C12orf42: variants seen among roughly 807,000 people sequenced by gnomAD.
C12orf42 encodes the protein uncharacterized protein C12orf42.
A neutral mutation model predicts 21.6 loss-of-function variants in C12orf42; 25 were observed. The ratio of observed to expected loss-of-function variants is 1.16; its 90% CI spans 0.84 to 1.62. The LOEUF (loss-of-function observed/expected upper bound fraction) is 1.62. C12orf42 is among the 40% of genes most tolerant of loss of function. The pLI, the probability that C12orf42 is intolerant of heterozygous loss-of-function variation, is 0.00. For synonymous variants in C12orf42, 174 were observed against 175.0 expected (o/e 0.99, Z 0.05); for missense variants, 483 against 459.3 (o/e 1.05, Z -0.47).
At chr12:103,120,712 A>G in the C12orf42 span, among the ~76,000 whole-genome samples, 17 of 149,664 alleles carry the variant, frequency 1.1e-4, no homozygotes, top group African/African-American at 3.9e-4. Context: ...TATTACTATA[A>G]TATCTGTTAT....
At chr12:103,355,564 T>C (rs914751686) in intron 4 of C12orf42, among the ~76,000 whole-genome samples, 12 of 152,060 alleles carry the variant, frequency 7.9e-5, no homozygotes, top group Non-Finnish European at 1.6e-4. Flanking sequence ...ATCCAGTCTC[T>C]TCCTCTACCT....
chr12:103,360,631 T>C (rs2044010899), intron 4 of C12orf42, among the ~76,000 whole-genome samples: 1 of 148,304 alleles, frequency 6.7e-6, no homozygotes. Flanking sequence ...GCAATTATTT[T>C]CTCTGTTCCT....
At chr12:103,135,574 AT>A in the C12orf42 span, among the ~76,000 whole-genome samples, 3 of 152,244 alleles carry the variant, frequency 2.0e-5, no homozygotes, top group African/African-American at 7.2e-5. Context: ...CAAAACAACC[AT>A]GAATCAACTG....
intron 10 of C12orf42, among the ~76,000 whole-genome samples, chr12:103,247,892 C>T (rs879680704): frequency 5.9e-5 from 9 of 152,068 alleles, no homozygotes; most frequent in Non-Finnish European, 1.0e-4. Flanking sequence ...AGGCACTATG[C>T]TCAACCCTTT....
chr12:103,189,404 A>G, the C12orf42 span, among the ~76,000 whole-genome samples: 1 of 152,334 alleles, frequency 6.6e-6, no homozygotes, highest in South Asian at 2.1e-4. Flanking sequence ...AGCTCTCCTC[A>G]AGGAAATGTG....
At chr12:103,342,072 A>G (rs545348667) in intron 4 of C12orf42, among the ~76,000 whole-genome samples, 1 of 152,294 alleles carries the variant, frequency 6.6e-6, no homozygotes, top group East Asian at 1.9e-4. Flanking sequence ...ATAGATAGAT[A>G]GACAGATAAA....
chr12:103,423,767 T>C (rs185053456), intron 2 of C12orf42, among the ~76,000 whole-genome samples: 1 of 152,328 alleles, frequency 6.6e-6, no homozygotes, highest in Non-Finnish European at 1.5e-5. Flanking sequence ...TGCATGCCTC[T>C]AGTTAAAATT....
chr12:103,297,569 A>G (rs1317026332), downstream of C12orf42, among the ~76,000 whole-genome samples: 1 of 152,196 alleles, frequency 6.6e-6, no homozygotes, highest in Admixed American at 6.5e-5. Flanking sequence ...ATTCCAATCA[A>G]TAGAAAAAGA....
At chr12:103,135,452 A>G in the C12orf42 span, among the ~76,000 whole-genome samples, 1 of 134,676 alleles carries the variant, frequency 7.4e-6, no homozygotes, top group Non-Finnish European at 1.6e-5. Flanking sequence ...GTGAGACACT[A>G]TCTCAAAAAG....
chr12:103,505,587 C>T, the C12orf42 span: 1 of 331,154 alleles, frequency 3.0e-6, no homozygotes, highest in Non-Finnish European at 5.6e-6. Context: ...ACATGGTGGT[C>T]TAGCCCATGT....
chr12:103,143,056 A>G, the C12orf42 span, among the ~76,000 whole-genome samples: 1 of 152,186 alleles, frequency 6.6e-6, no homozygotes, highest in Non-Finnish European at 1.5e-5. Flanking sequence ...AGCACGTTTT[A>G]CACTGGAACG....
chr12:103,365,084 T>C lies in C12orf42; in HGVS notation c.259+3803A>G, dbSNP rs139175878. On this transcript the variant is annotated intron_variant, in intron 4 of 5. Transcript: ENST00000548883. Reference sequence around the variant, plus strand: ...GATGCAAAAATCCTTAACAAAATACTAGCTAACCAGATCCAACAGCATATC... The same window carrying C: ...GATGCAAAAATCCTTAACAAAATACCAGCTAACCAGATCCAACAGCATATC... 5.8e-3 allele frequency among the ~76,000 whole-genome samples: 877 copies of C among 152,076 alleles called. 5 individuals carry two copies. Among genetic ancestry groups the C allele is most frequent in the African/African-American group, 0.018 (756 of 41,518 alleles).
At chr12:103,439,788 G>A (rs916487600) in intron 2 of C12orf42, among the ~76,000 whole-genome samples, 2 of 151,216 alleles carry the variant, frequency 1.3e-5, no homozygotes, top group African/African-American at 4.8e-5. Context: ...GGAGAAATAG[G>A]AACACTTTTA....
chr12:103,225,725 G>T, the C12orf42 span, among the ~76,000 whole-genome samples: 1 of 152,178 alleles, frequency 6.6e-6, no homozygotes, highest in Non-Finnish European at 1.5e-5. Flanking sequence ...TGGCACCAGA[G>T]TTGGGGAGTT....
intron 4 of C12orf42, among the ~76,000 whole-genome samples, chr12:103,364,821 C>A (rs116393163): frequency 0.011 from 1,614 of 151,860 alleles, 26 homozygotes; most frequent in African/African-American, 0.037. Context: ...TAACAAGCAG[C>A]GAGATTGAAA....
At chr12:103,241,180 G>C (rs971983316) in intron 10 of C12orf42, among the ~76,000 whole-genome samples, 1 of 121,034 alleles carries the variant, frequency 8.3e-6, no homozygotes, top group Non-Finnish European at 1.8e-5. Flanking sequence ...TAGCTGTTTT[G>C]TTTAAAAAAA....
At chr12:103,102,080 G>A in the C12orf42 span, among the ~76,000 whole-genome samples, 3 of 152,122 alleles carry the variant, frequency 2.0e-5, no homozygotes, top group Non-Finnish European at 2.9e-5. Flanking sequence ...CCAGATTCAA[G>A]GGGTGGGAGA....
intron 2 of C12orf42, among the ~76,000 whole-genome samples, chr12:103,472,305 C>T (rs1029052801): frequency 1.4e-4 from 21 of 152,126 alleles, no homozygotes; most frequent in African/African-American, 4.6e-4. Flanking sequence ...CCGCCCGCCT[C>T]GGCCTCCCAA....
chr12:103,254,056 G>A (rs192276211), intron 10 of C12orf42, among the ~76,000 whole-genome samples: 47 of 152,136 alleles, frequency 3.1e-4, no homozygotes, highest in East Asian at 9.6e-4. Context: ...TTGCCCATGC[G>A]TATGTCCTGA....
Sources: allele counts gnomAD v4.1 joint callset (sites outside exome capture counted in the v4.1 genomes callset), GRCh38; gene constraint gnomAD v4.1.1; transcripts MANE v1.5; gene names NCBI Gene and HGNC (gene_info 2026-07-23, HGNC 2026-07-21).